The following AP3B1 variants were observed in gnomAD, a reference collection of about 807,000 sequenced individuals.
AP3B1 encodes the protein AP-3 complex subunit beta-1.
A neutral mutation model predicts 132.5 loss-of-function variants in AP3B1; 61 were observed. The observed-to-expected ratio is 0.46, with a 90% CI of 0.37 to 0.57. The LOEUF is 0.57. AP3B1 is among the 20% of genes least tolerant of loss of function. The pLI is 0.00. For missense variants in AP3B1, 1,120 were observed against 1,289.4 expected, an observed-to-expected ratio of 0.87 and a Z score of 2.01; for synonymous variants, 388 against 438.3, an observed-to-expected ratio of 0.89 and a Z score of 1.43.
chr5:78,250,069 C>T (rs777391946), intron 2 of AP3B1, among the ~76,000 whole-genome samples: 3 of 152,122 alleles, frequency 2.0e-5, no homozygotes, highest in South Asian at 2.1e-4. Flanking sequence ...CAAGCATCTA[C>T]CAATCTAGTT....
Position 78,025,904 on chromosome 5 carries a change from A to G in AP3B1, c.2895-5115T>C, listed in dbSNP as rs188816452. On this transcript the variant is annotated intron_variant, in intron 24 of 26. Coordinates refer to ENST00000255194, the MANE Select transcript of AP3B1 (RefSeq NM_003664.5). ...CTTTGTAAGCCAGTTTCATCTTGTA[A>G]GCAAGGCGTGGCTTATAATAGAACT... 1.9e-3 allele frequency among the ~76,000 whole-genome samples: 287 copies of G among 152,348 alleles called. 2 individuals are homozygous for G. Among genetic ancestry groups the G allele is most frequent in the Non-Finnish European group, 6.5e-4 (44 of 68,042 alleles).
chr5:78,096,973 T>G (rs1175169454), intron 21 of AP3B1, among the ~76,000 whole-genome samples: 4 of 75,734 alleles, frequency 5.3e-5, no homozygotes, highest in African/African-American at 1.6e-4. Context: ...AAGTGAGGAG[T>G]CCCTCTGCCC....
At chr5:78,023,953 A>G (rs1013462636) in intron 24 of AP3B1, among the ~76,000 whole-genome samples, 1 of 152,212 alleles carries the variant, frequency 6.6e-6, no homozygotes, top group African/African-American at 2.4e-5. Context: ...CCAGTAAAGA[A>G]GAAGAAACAA....
intron 2 of AP3B1, among the ~76,000 whole-genome samples, chr5:78,260,803 C>G (rs1052507768): frequency 6.6e-6 from 1 of 152,154 alleles, no homozygotes; most frequent in Non-Finnish European, 1.5e-5. Context: ...CACCATTCCA[C>G]TTTTTGTCTC....
At chr5:78,155,836 G>A (rs1743125988) in intron 14 of AP3B1, among the ~76,000 whole-genome samples, 1 of 151,916 alleles carries the variant, frequency 6.6e-6, no homozygotes, top group Admixed American at 6.6e-5. Flanking sequence ...CACTTCAAAA[G>A]AGTAAATTTT....
At chr5:78,112,484 T>C (rs1751636987) in intron 19 of AP3B1, among the ~76,000 whole-genome samples, 1 of 152,222 alleles carries the variant, frequency 6.6e-6, no homozygotes, top group African/African-American at 2.4e-5. Context: ...ATAAACCTAA[T>C]ACATGACTAC....
At chr5:78,251,677 C>T (rs1196177580) in intron 2 of AP3B1, among the ~76,000 whole-genome samples, 1 of 152,204 alleles carries the variant, frequency 6.6e-6, no homozygotes, top group Non-Finnish European at 1.5e-5. Flanking sequence ...CCCAGAGGTC[C>T]AAACTTGAGT....
At chr5:78,216,759 C>T (rs902180513) in intron 6 of AP3B1, among the ~76,000 whole-genome samples, 3 of 151,934 alleles carry the variant, frequency 2.0e-5, no homozygotes, top group South Asian at 2.1e-4. Context: ...CTTAATCCAC[C>T]GGTTTTTACC....
chr5:78,154,105 C>T (rs899570093), intron 14 of AP3B1, among the ~76,000 whole-genome samples: 4 of 152,122 alleles, frequency 2.6e-5, no homozygotes, highest in Admixed American at 6.5e-5. Context: ...TGAAGAGCTC[C>T]TTTTAGCATT....
At chr5:78,084,521 CAAAAAAAAAAAAA>C (rs568637894) in intron 22 of AP3B1, among the ~76,000 whole-genome samples, 15 of 44,004 alleles carry the variant, frequency 3.4e-4, no homozygotes, top group Non-Finnish European at 5.1e-4. Context: ...CAGACCCTGT[CAAAAAAAAAAAAA>C]AAAAAAAAAA....
chr5:78,082,400 G>A (rs1200879297), intron 22 of AP3B1, among the ~76,000 whole-genome samples: 2 of 151,964 alleles, frequency 1.3e-5, no homozygotes, highest in Non-Finnish European at 2.9e-5. Context: ...ACATTTTCAG[G>A]ATCATTATTT....
chr5:78,178,573 A>G (rs375024135), intron 8 of AP3B1, among the ~76,000 whole-genome samples: 43 of 152,300 alleles, frequency 2.8e-4, no homozygotes, highest in African/African-American at 1.0e-3. Flanking sequence ...GTGAGCCGAG[A>G]TCATGCCACT....
chr5:78,216,034 G>C (rs1474061581), intron 7 of AP3B1, 21 bp downstream of exon 7: 1 of 1,612,982 alleles, frequency 6.2e-7, no homozygotes, highest in Non-Finnish European at 8.5e-7. Flanking sequence ...ACTTGAAAGT[G>C]GAAGACTGTT....
chr5:78,024,383 CCTTTT>C (rs1281155633), intron 24 of AP3B1, among the ~76,000 whole-genome samples: 2 of 151,826 alleles, frequency 1.3e-5, no homozygotes. Context: ...TTTTCTCATT[CCTTTT>C]AAGGTTCTGT....
chr5:78,002,900 G>C lies in AP3B1; in HGVS notation c.*2C>G. 6.2e-7 allele frequency: 1 copy of C among 1,614,176 alleles called. No homozygotes were observed. The highest frequency in any genetic ancestry group is 8.5e-7 in the Non-Finnish European group (1 of 1,180,032). On this transcript the variant is annotated 3_prime_UTR_variant, in exon 27 of 27. Coordinates refer to ENST00000255194, the MANE Select transcript of AP3B1 (RefSeq NM_003664.5). The stretch of plus-strand genomic sequence containing the variant: ...AGATTCTAAAGTCCAGATGTAAGCA[G>C]GTTACCCCTGAGACAGGACAGGCTT...
At chr5:78,151,316 A>T (rs1044720866) in intron 14 of AP3B1, among the ~76,000 whole-genome samples, 1 of 152,226 alleles carries the variant, frequency 6.6e-6, no homozygotes, top group Non-Finnish European at 1.5e-5. Flanking sequence ...TCTGCAAACA[A>T]GGATAATTTG....
At chr5:78,267,430 G>C (rs1398545749) in intron 2 of AP3B1, 90 bp downstream of exon 2, 2 of 519,376 alleles carry the variant, frequency 3.9e-6, no homozygotes, top group Non-Finnish European at 6.3e-6. Flanking sequence ...ATTAGACTTG[G>C]TATTTAACGT....
At chr5:78,045,241 C>T (rs928829599) in intron 22 of AP3B1, among the ~76,000 whole-genome samples, 2 of 152,022 alleles carry the variant, frequency 1.3e-5, no homozygotes, top group African/African-American at 2.4e-5. Context: ...ATTAGCTGGG[C>T]GTGGTGGCAT....
At chr5:78,155,450 T>C (rs1580418184) in intron 14 of AP3B1, among the ~76,000 whole-genome samples, 1 of 152,190 alleles carries the variant, frequency 6.6e-6, no homozygotes. Context: ...TTGTGTGTAA[T>C]TAGTTGCTAA....
Sources: gnomAD v4.1 joint callset for allele counts (sites outside exome capture counted in the v4.1 genomes callset) on GRCh38, gnomAD v4.1.1 for gene constraint, MANE v1.5 for transcripts, NCBI Gene and HGNC (gene_info 2026-07-23, HGNC 2026-07-21) for gene names.